CDH4: variants seen among roughly 807,000 people sequenced by gnomAD.
CDH4 encodes cadherin-4.
A neutral mutation model predicts 86.0 loss-of-function variants in CDH4; 33 were observed. That is an observed-to-expected ratio of 0.38 (90% CI 0.29 to 0.51). The LOEUF is 0.51. Among genes scored for constraint, CDH4 ranks in the 20% least tolerant of loss-of-function variants. The pLI is 0.86. For missense variants in CDH4, 1,114 were observed against 1,307.4 expected, an observed-to-expected ratio of 0.85 and a Z score of 2.28; for synonymous variants, 555 against 549.4, an observed-to-expected ratio of 1.01 and a Z score of -0.14.
intron 7 of CDH4, among the ~76,000 whole-genome samples, chr20:61,889,890 A>G (rs1454190937): frequency 7.3e-6 from 1 of 136,434 alleles, no homozygotes; most frequent in East Asian, 2.4e-4. Flanking sequence ...GGGTGAGTGA[A>G]TGGATGGATG....
chr20:61,795,125 GATGATGGAA>G (rs1979465185), intron 4 of CDH4, among the ~76,000 whole-genome samples: 1 of 458 alleles, frequency 2.2e-3, no homozygotes, highest in Non-Finnish European at 4.7e-3. Flanking sequence ...TGATAATGGT[GATGATGGAA>G]ATGATGGTAG....
chr20:61,321,056 G>A (rs150225657), intron 2 of CDH4, among the ~76,000 whole-genome samples: 5,289 of 152,222 alleles, frequency 0.035, 138 homozygotes, highest in Middle Eastern at 0.065. Context: ...CCCTGACACC[G>A]TGGGTCCTCG....
intron 2 of CDH4, among the ~76,000 whole-genome samples, chr20:61,327,544 T>C (rs2084543228): frequency 6.6e-6 from 1 of 152,214 alleles, no homozygotes; most frequent in Admixed American, 6.5e-5. Flanking sequence ...TAGAAAGTTC[T>C]GATCTCCTGT....
rs2084992348 is a variant in CDH4, at chr20:61,392,518, A to G, written c.169+137581A>G. Among the ~76,000 whole-genome samples the G allele has an allele frequency of 6.6e-6, 1 of 152,194 alleles. No homozygotes were observed. Among genetic ancestry groups the G allele is most frequent in the Non-Finnish European group, 1.5e-5 (1 of 68,040 alleles). ...GAAGTAGGGCTGGATTTATCTTATG[A>G]CAGTGCTTGTCATGGCCTTGAGTAT... On this transcript the variant is annotated intron_variant, in intron 2 of 15. Transcript: ENST00000614565. This position sits in a 1 kb window ranked among gnomAD's most constrained non-coding sequence, Gnocchi z 5.7.
chr20:61,755,049 C>T (rs993990499), intron 3 of CDH4: 3 of 152,214 alleles, frequency 2.0e-5, no homozygotes, highest in African/African-American at 4.8e-5. Context: ...GCGTTTCTTA[C>T]ATTACAGCAG....
rs766038133 is a variant in CDH4 at position 61,934,122 on chromosome 20, G to T, written c.2446G>T (p.Val816Leu). 1 of 1,611,310 alleles carries T rather than the reference G, an allele frequency of 6.2e-7. No individual in the cohort carries two copies. The highest frequency in any genetic ancestry group is 8.5e-7 in the Non-Finnish European group (1 of 1,179,564). Residue 816 changes from valine to leucine, a missense_variant, in exon 15 of 16, where the codon GTG (valine) becomes TTG (leucine). Transcript: ENST00000614565. Reference sequence around the variant, plus strand: ...GCACGTGCCAAGCAAAGCCCCTGGCGTGCGTCGCGTGGATGAGCGGCCGGT... The same window carrying T: ...GCACGTGCCAAGCAAAGCCCCTGGCTTGCGTCGCGTGGATGAGCGGCCGGT... Reference protein sequence around the residue: ...MGHVPSKAPGVRRVDERPVGA... With the variant: ...MGHVPSKAPGLRRVDERPVGA...
chr20:61,703,356 C>T lies in CDH4; in HGVS notation c.170-40207C>T, dbSNP rs1399972844. Among the ~76,000 whole-genome samples, 1 of 152,138 alleles carries T rather than the reference C, an allele frequency of 6.6e-6. No individual in the cohort carries two copies. The highest frequency in any genetic ancestry group is 6.5e-5 in the Admixed American group (1 of 15,274). On this transcript the variant is annotated intron_variant, in intron 2 of 15. Coordinates refer to ENST00000614565, the MANE Select transcript of CDH4 (RefSeq NM_001794.5). This position sits in a 1 kb window ranked among gnomAD's most constrained non-coding sequence, Gnocchi z 4.3. ...CACGAGTGTCATGGAGAAAATAGGC[C>T]TGGCAGGATGGACACAGTTGATACT...
chr20:61,253,084 A>T (rs1010381992), intron 1 of CDH4, among the ~76,000 whole-genome samples: 8 of 151,418 alleles, frequency 5.3e-5, no homozygotes, highest in African/African-American at 1.9e-4. Flanking sequence ...GGGTCCGTCT[A>T]GCGGCGCCGC....
intron 2 of CDH4, among the ~76,000 whole-genome samples, chr20:61,531,166 C>T (rs1323174529): frequency 3.3e-5 from 5 of 151,856 alleles, no homozygotes; most frequent in Admixed American, 2.6e-4. Flanking sequence ...CCTCACTTTT[C>T]TTATCTGTAA....
rs117101739 is a variant in CDH4 at position 61,915,152 on chromosome 20, G to T, written c.1374+4545G>T. On this transcript the variant is annotated intron_variant, in intron 9 of 15. Transcript: ENST00000614565. ...AGCCCACACACAGGATCACACAGTG[G>T]GGACTGTACAAGCTGGGGCTGGAAC... 7.5e-4 allele frequency among the ~76,000 whole-genome samples: 115 copies of T among 152,342 alleles called. 1 individual carries two copies. The East Asian group carries it at 0.021, about 28-fold the overall frequency.
chr20:61,790,222 C>T (rs1979099361), intron 4 of CDH4, among the ~76,000 whole-genome samples: 1 of 150,964 alleles, frequency 6.6e-6, no homozygotes, highest in Non-Finnish European at 1.5e-5. Context: ...CATCCACCCA[C>T]CTACCATCCA....
chr20:61,504,601 G>A (rs2085727359), intron 2 of CDH4, among the ~76,000 whole-genome samples: 1 of 152,228 alleles, frequency 6.6e-6, no homozygotes, highest in Non-Finnish European at 1.5e-5. Flanking sequence ...GCAGACACGT[G>A]TGGTGGCTGC....
intron 2 of CDH4, among the ~76,000 whole-genome samples, chr20:61,678,866 C>A (rs184020596): frequency 2.0e-5 from 3 of 152,240 alleles, no homozygotes; most frequent in Non-Finnish European, 4.4e-5. Flanking sequence ...GCATGAGCTC[C>A]AACTCTCCTT....
intron 4 of CDH4, among the ~76,000 whole-genome samples, chr20:61,818,277 G>A (rs1231857029): frequency 6.6e-6 from 1 of 152,222 alleles, no homozygotes; most frequent in Non-Finnish European, 1.5e-5. Context: ...CCTTGCTGGG[G>A]TGTGGGGGAG....
Position 61,352,908 on chromosome 20 carries a change from T to C in CDH4, c.169+97971T>C, listed in dbSNP as rs571252163. On this transcript the variant is annotated intron_variant, in intron 2 of 15. Transcript: ENST00000614565. The stretch of plus-strand genomic sequence containing the variant: ...CAAGGAGTGTGTCAATGTCCCATCC[T>C]TGCGGCGCACAGGAGGTTCCAGGAC... 4.0e-3 allele frequency among the ~76,000 whole-genome samples: 602 copies of C among 152,254 alleles called. 1 individual carries two copies. Among genetic ancestry groups the C allele is most frequent in the South Asian group, 0.011 (52 of 4,826 alleles).
Position 61,861,220 on chromosome 20 carries a change from C to T in CDH4, c.877+8322C>T, listed in dbSNP as rs892774525. ...AGCAATGAGGCCTAGTGAGGTTCCA[C>T]GTGGGAAGGACACACCTTCCGCTGA... is the stretch of plus-strand genomic sequence containing the variant. On this transcript the variant is annotated intron_variant, in intron 6 of 15. Transcript: ENST00000614565. 9.2e-5 allele frequency among the ~76,000 whole-genome samples: 14 copies of T among 152,204 alleles called. 1 individual carries two copies. The highest frequency in any genetic ancestry group is 8.5e-4 in the Admixed American group (13 of 15,282).
At chr20:61,692,275 TTGTG>T (rs11468758) in intron 2 of CDH4, among the ~76,000 whole-genome samples, 41 of 149,884 alleles carry the variant, frequency 2.7e-4, no homozygotes, top group Middle Eastern at 3.4e-3. Flanking sequence ...ATGTGTGTCT[TTGTG>T]TGTGTGTGTG....
intron 2 of CDH4, 145 bp from the exon 3 acceptor site, chr20:61,743,418 C>G: frequency 1.5e-6 from 1 of 654,214 alleles, no homozygotes. Flanking sequence ...AACACACCAC[C>G]TTCTCGGGAG....
At chr20:61,656,240 G>A (rs2087186254) in intron 2 of CDH4, among the ~76,000 whole-genome samples, 1 of 150,266 alleles carries the variant, frequency 6.7e-6, no homozygotes. Flanking sequence ...TGCTGGGGTG[G>A]GCAGGCGCGT....
Sources: allele counts gnomAD v4.1 joint callset (sites outside exome capture counted in the v4.1 genomes callset), GRCh38; gene constraint gnomAD v4.1.1; non-coding constraint Gnocchi (gnomAD v3.1); transcripts MANE v1.5; gene names NCBI Gene and HGNC (gene_info 2026-07-23, HGNC 2026-07-21).